The following BICRAL variants were observed in gnomAD, a reference collection of about 807,000 sequenced individuals.
The protein encoded by BICRAL is BRD4-interacting chromatin-remodeling complex-associated protein-like.
Under a neutral mutation model 91.8 loss-of-function variants are expected in BICRAL, and 8 were observed. That is an observed-to-expected ratio of 0.09 (90% CI 0.05 to 0.16). BICRAL has a LOEUF of 0.16. Among genes scored for constraint, BICRAL ranks in the 10% least tolerant of loss-of-function variants. The pLI is 1.00. For synonymous variants in BICRAL, 445 were observed against 491.1 expected, an observed-to-expected ratio of 0.91 and a Z score of 1.24; for missense variants, 1,038 against 1,310.9, an observed-to-expected ratio of 0.79 and a Z score of 3.21.
intron 6 of BICRAL, among the ~76,000 whole-genome samples, chr6:42,834,498 A>G (rs1764586584): frequency 6.6e-6 from 1 of 152,142 alleles, no homozygotes; most frequent in Non-Finnish European, 1.5e-5. Context: ...CGAAATAGAG[A>G]CTTTCTAATT....
intron 6 of BICRAL, among the ~76,000 whole-genome samples, chr6:42,842,436 G>A (rs777622509): frequency 1.3e-5 from 2 of 152,066 alleles, no homozygotes; most frequent in Non-Finnish European, 1.5e-5. Context: ...TCATTCCCAC[G>A]GGAGAAAGCA....
intron 1 of BICRAL, among the ~76,000 whole-genome samples, chr6:42,761,715 C>G (rs1337373794): frequency 6.6e-6 from 1 of 151,818 alleles, no homozygotes; most frequent in Non-Finnish European, 1.5e-5. Context: ...CAAGACCAGC[C>G]TGGACAACAT....
rs1765712198 is a variant in BICRAL, at chr6:42,866,423, TTTTG to T, written c.*981_*984del. On this transcript the variant is annotated 3_prime_UTR_variant, in exon 13 of 13. Transcript: ENST00000314073. ...ATGTATGTTTTTGTTTGTTGCTGGA[TTTTG>T]TTTCATTTAACCTCTCTTTGCACCC... 5.8e-6 allele frequency: 1 copy of T among 172,504 alleles called. No homozygotes were observed. The highest frequency in any genetic ancestry group is 1.4e-4 in the South Asian group (1 of 7,292). 10.7% of individuals were successfully genotyped at this position (172,504 alleles called of 1,614,324 possible).
chr6:42,783,255 C>G (rs955870026), intron 1 of BICRAL, among the ~76,000 whole-genome samples: 13 of 151,900 alleles, frequency 8.6e-5, no homozygotes, highest in African/African-American at 3.1e-4. Context: ...TCCGGCCGAG[C>G]CCCCAGCCGC....
intron 6 of BICRAL, among the ~76,000 whole-genome samples, chr6:42,839,901 G>C (rs1277517673): frequency 1.3e-5 from 2 of 152,134 alleles, no homozygotes; most frequent in African/African-American, 2.4e-5. Flanking sequence ...CTCAAACCTG[G>C]AATCAGCCAT....
intron 1 of BICRAL, among the ~76,000 whole-genome samples, chr6:42,791,318 C>T (rs913817884): frequency 3.9e-5 from 6 of 151,964 alleles, no homozygotes; most frequent in African/African-American, 1.2e-4. Flanking sequence ...GTTGTGAAAC[C>T]GAACATGTTC....
chr6:42,857,950 AG>A (rs1225614191), intron 10 of BICRAL, among the ~76,000 whole-genome samples: 1 of 149,614 alleles, frequency 6.7e-6, no homozygotes, highest in Admixed American at 6.7e-5. Flanking sequence ...CTGAGATTAT[AG>A]GCGCCCACCA....
At chr6:42,747,812 T>TG (rs746264450) in intron 1 of BICRAL, among the ~76,000 whole-genome samples, 5 of 138,764 alleles carry the variant, frequency 3.6e-5, no homozygotes, top group African/African-American at 1.3e-4. Flanking sequence ...TTTGTTTTTT[T>TG]TTTTTTTTTT....
Position 42,867,601 on chromosome 6 carries a change from C to G in BICRAL, c.*2155C>G, listed in dbSNP as rs956373829. ...CATTGCAGAACTTTATCCCTGGAAG[C>G]CTTCATGTGGGCTGCTAGTGAGTTA... On this transcript the variant is annotated 3_prime_UTR_variant, in exon 13 of 13. Transcript: ENST00000314073. 2 of 152,372 alleles carry G rather than the reference C, an allele frequency of 1.3e-5. No homozygotes were observed. The highest frequency in any genetic ancestry group is 4.8e-5 in the African/African-American group (2 of 41,422). 9.4% of individuals were successfully genotyped at this position (152,372 alleles called of 1,614,324 possible). A position where few individuals can be genotyped will look rare whatever the true frequency, so the allele number is the denominator to read the frequency against.
chr6:42,809,628 C>T (rs1324846490), intron 1 of BICRAL, among the ~76,000 whole-genome samples: 1 of 151,736 alleles, frequency 6.6e-6, no homozygotes. Flanking sequence ...GCCCAAGCCA[C>T]CATGCCCAGC....
intron 1 of BICRAL, among the ~76,000 whole-genome samples, chr6:42,773,384 A>T (rs78759174): frequency 3.4e-5 from 5 of 148,430 alleles, no homozygotes; most frequent in Admixed American, 6.7e-5. Context: ...GGCTGCAATT[A>T]AAAAAAAAAA....
At chr6:42,807,224 C>T (rs911371833) in intron 1 of BICRAL, among the ~76,000 whole-genome samples, 5 of 151,780 alleles carry the variant, frequency 3.3e-5, no homozygotes, top group Non-Finnish European at 7.4e-5. Flanking sequence ...CTCACTGTCA[C>T]CGAGGCTGGG....
intron 1 of BICRAL, among the ~76,000 whole-genome samples, chr6:42,809,021 C>CTA (rs1421487149): frequency 6.6e-6 from 1 of 151,676 alleles, no homozygotes; most frequent in African/African-American, 2.4e-5. Context: ...TTTTTGCCAG[C>CTA]TGGATTGCTT....
intron 1 of BICRAL, among the ~76,000 whole-genome samples, chr6:42,792,570 G>A (rs549652283): frequency 6.6e-6 from 1 of 151,914 alleles, no homozygotes; most frequent in Admixed American, 6.6e-5. Context: ...ACTCCGCTTG[G>A]CCTAGATTTC....
intron 5 of BICRAL, among the ~76,000 whole-genome samples, chr6:42,827,049 G>A (rs780054627): frequency 6.6e-6 from 1 of 152,210 alleles, no homozygotes; most frequent in Middle Eastern, 3.2e-3. Context: ...GCCTCCCAAA[G>A]TGCTGGGATT....
rs1218029730 is a variant in BICRAL at position 42,857,620 on chromosome 6, T to A, written c.2254+384T>A. Among the ~76,000 whole-genome samples, 232 of 108,166 alleles carry A rather than the reference T, an allele frequency of 2.1e-3. 1 individual carries two copies. Among genetic ancestry groups the A allele is most frequent in the African/African-American group, 7.9e-3 (175 of 22,216 alleles). The allele number at this position is 108,166 out of a possible 152,430, so 71.0% of individuals were successfully genotyped here. On this transcript the variant is annotated intron_variant, in intron 10 of 12. Coordinates refer to ENST00000314073, the MANE Select transcript of BICRAL (RefSeq NM_001393499.1). ...TCTCTTAAAAAAAAAAAAAAATATA[T>A]ATATATATATATATATTTTTTAGGA...
chr6:42,760,850 G>T (rs182158695), intron 1 of BICRAL, among the ~76,000 whole-genome samples: 3 of 151,958 alleles, frequency 2.0e-5, no homozygotes, highest in Non-Finnish European at 4.4e-5. Flanking sequence ...GGCGAAACCC[G>T]ATCTCTACCA....
chr6:42,825,706 G>A (rs567828583), intron 5 of BICRAL, among the ~76,000 whole-genome samples: 1 of 149,160 alleles, frequency 6.7e-6, no homozygotes, highest in African/African-American at 2.5e-5. Context: ...CTAGGTGACA[G>A]AGTGAGACCC....
At chr6:42,819,021 G>A (rs1764068796) in intron 2 of BICRAL, among the ~76,000 whole-genome samples, 1 of 152,126 alleles carries the variant, frequency 6.6e-6, no homozygotes, top group Non-Finnish European at 1.5e-5. Flanking sequence ...TATTTACAGA[G>A]GGGAAGACGT....
Sources: allele counts gnomAD v4.1 joint callset (sites outside exome capture counted in the v4.1 genomes callset), GRCh38; gene constraint gnomAD v4.1.1; transcripts MANE v1.5; gene names NCBI Gene and HGNC (gene_info 2026-07-23, HGNC 2026-07-21).